The following NECTIN3 variants were observed in gnomAD, a reference collection of about 807,000 sequenced individuals.
The protein encoded by NECTIN3 is nectin cell adhesion molecule 3, also known as nectin-3.
In NECTIN3, 8 loss-of-function variants were observed where a neutral mutation model predicts 49.4. The ratio of observed to expected loss-of-function variants is 0.16; its 90% CI spans 0.10 to 0.29. NECTIN3 has a LOEUF of 0.29. Ranked by LOEUF, NECTIN3 falls within the 10% of genes least tolerant of loss-of-function variation. NECTIN3 has a pLI of 1.00. For synonymous variants in NECTIN3, 277 were observed against 241.1 expected (o/e 1.15, Z -1.38); for missense variants, 581 against 654.6 (o/e 0.89, Z 1.23).
chr3:111,174,032 G>A (rs1374754174), intron 7 of NECTIN3, among the ~76,000 whole-genome samples: 1 of 152,048 alleles, frequency 6.6e-6, no homozygotes, highest in African/African-American at 2.4e-5. Context: ...CTAGGATCTG[G>A]GTGGCTCTGT....
chr3:111,077,161 T>C, intron 1 of NECTIN3: 1 of 428,944 alleles, frequency 2.3e-6, no homozygotes, highest in Non-Finnish European at 4.7e-6. Context: ...TATTTATATT[T>C]TGAATTTTAC....
chr3:111,101,406 GT>G (rs1432608365), intron 1 of NECTIN3, among the ~76,000 whole-genome samples: 3 of 152,102 alleles, frequency 2.0e-5, no homozygotes, highest in Non-Finnish European at 4.4e-5. Context: ...TAGTGTTAAT[GT>G]GTAGAAAATA....
intron 7 of NECTIN3, chr3:111,147,577 C>G: frequency 9.5e-7 from 1 of 1,055,252 alleles, no homozygotes; most frequent in Non-Finnish European, 1.4e-6. Context: ...GTTGTTTAGT[C>G]ATTATGCATT....
At chr3:111,097,946 A>C (rs1394275656) in intron 1 of NECTIN3, among the ~76,000 whole-genome samples, 3 of 152,222 alleles carry the variant, frequency 2.0e-5, no homozygotes, top group African/African-American at 7.2e-5. Flanking sequence ...GTGCTTTGAA[A>C]TTCTCTTGTG....
upstream of NECTIN3, among the ~76,000 whole-genome samples, chr3:111,187,730 A>T (rs2035746998): frequency 1.3e-5 from 2 of 152,224 alleles, no homozygotes; most frequent in South Asian, 4.1e-4. Context: ...ACTATATGAT[A>T]CTGTGGAAAA....
chr3:111,100,473 A>G (rs1239031878), intron 1 of NECTIN3, among the ~76,000 whole-genome samples: 1 of 152,126 alleles, frequency 6.6e-6, no homozygotes. Context: ...TGTGTATGAA[A>G]CATAAATGAA....
At chr3:111,109,640 G>T (rs902517490) in intron 1 of NECTIN3, among the ~76,000 whole-genome samples, 7 of 151,502 alleles carry the variant, frequency 4.6e-5, no homozygotes, top group Non-Finnish European at 8.8e-5. Flanking sequence ...TCTTAGTTTT[G>T]TTGTATAGCA....
chr3:111,111,856 C>T (rs1442815970), intron 1 of NECTIN3, among the ~76,000 whole-genome samples, 174 bp from the exon 2 acceptor site: 1 of 150,506 alleles, frequency 6.6e-6, no homozygotes, highest in South Asian at 2.1e-4. Context: ...CTCAGTTGTA[C>T]GTTTTGTGTG....
intron 5 of NECTIN3, among the ~76,000 whole-genome samples, chr3:111,144,248 A>C (rs2034819636): frequency 6.6e-6 from 1 of 152,024 alleles, no homozygotes; most frequent in Admixed American, 6.6e-5. Flanking sequence ...TTCAGAAATG[A>C]CATATGTCTA....
In NECTIN3 at chr3:111,071,977, C is replaced by CG. The variant is rs1232820997; in HGVS notation, c.-35dup. The CG allele has an allele frequency of 1.9e-6, 2 of 1,078,574 alleles. No homozygotes were observed. The highest frequency in any genetic ancestry group is 3.2e-5 in the African/African-American group (1 of 31,744). 66.8% of individuals were successfully genotyped at this position (1,078,574 alleles called of 1,614,324 possible). ...CCTGAGGCGCCGGGGCCGGGGGAGC[C>CG]GGGGGGCGGGCGGGCGAGCGGGCCG... is the stretch of plus-strand genomic sequence containing the variant. On this transcript the variant is annotated 5_prime_UTR_variant, in exon 1 of 6. Transcript: ENST00000485303.
At chr3:111,130,105 C>T (rs566181195) in intron 5 of NECTIN3, among the ~76,000 whole-genome samples, 9 of 151,760 alleles carry the variant, frequency 5.9e-5, no homozygotes, top group East Asian at 3.9e-4. Context: ...TACAGGTGGC[C>T]GCCACTACGC....
intron 3 of NECTIN3, 128 bp downstream of exon 3, chr3:111,119,080 A>G: frequency 4.5e-6 from 4 of 886,862 alleles, no homozygotes; most frequent in Non-Finnish European, 6.6e-6. Flanking sequence ...TTTCATGGAA[A>G]TTTCATTTAA....
intron 1 of NECTIN3, among the ~76,000 whole-genome samples, chr3:111,079,849 C>T (rs1042410177): frequency 5.3e-5 from 8 of 152,006 alleles, no homozygotes; most frequent in African/African-American, 1.9e-4. Flanking sequence ...TTCCCCATTC[C>T]TATAAACACT....
chr3:111,179,012 A>C (rs1325198305), intron 7 of NECTIN3, among the ~76,000 whole-genome samples: 1 of 152,212 alleles, frequency 6.6e-6, no homozygotes, highest in Non-Finnish European at 1.5e-5. Flanking sequence ...CTGTAATAAA[A>C]CTTGGCTATA....
chr3:111,131,252 T>G (rs1394327022), intron 5 of NECTIN3, among the ~76,000 whole-genome samples: 4 of 151,990 alleles, frequency 2.6e-5, no homozygotes, highest in Non-Finnish European at 4.4e-5. Context: ...TGAGAAGAAC[T>G]ATAAAAGTCA....
intron 7 of NECTIN3, among the ~76,000 whole-genome samples, chr3:111,167,807 T>A (rs990854647): frequency 3.9e-5 from 6 of 152,144 alleles, no homozygotes; most frequent in Non-Finnish European, 5.9e-5. Flanking sequence ...ACGTAACTTG[T>A]CATTGGGAAA....
At chr3:111,176,593 C>G (rs1012726490) in intron 7 of NECTIN3, among the ~76,000 whole-genome samples, 6 of 152,006 alleles carry the variant, frequency 3.9e-5, no homozygotes, top group African/African-American at 1.4e-4. Context: ...GACAGTTTCT[C>G]TTTGTATTTT....
At chr3:111,081,113 CAATA>C (rs751404562) in intron 1 of NECTIN3, among the ~76,000 whole-genome samples, 6 of 151,890 alleles carry the variant, frequency 4.0e-5, no homozygotes, top group South Asian at 4.2e-4. Flanking sequence ...TCGTCTCTGC[CAATA>C]AATAAATAAA....
intron 2 of NECTIN3, among the ~76,000 whole-genome samples, chr3:111,117,205 C>T (rs1367882136): frequency 1.3e-5 from 2 of 151,946 alleles, no homozygotes; most frequent in African/African-American, 4.8e-5. Flanking sequence ...AATGAATCTC[C>T]AGAACACAAA....
Sources: allele counts gnomAD v4.1 joint callset (sites outside exome capture counted in the v4.1 genomes callset), GRCh38; gene constraint gnomAD v4.1.1; transcripts MANE v1.5; gene names NCBI Gene and HGNC (gene_info 2026-07-23, HGNC 2026-07-21).